The following PAPPA variants were observed in gnomAD, a reference collection of about 807,000 sequenced individuals.
PAPPA encodes pappalysin-1.
PAPPA carries 60 observed loss-of-function variants against 164.0 expected under a neutral mutation model. That is an observed-to-expected ratio of 0.37 (90% confidence interval 0.30 to 0.45). The LOEUF (loss-of-function observed/expected upper bound fraction) is 0.45. PAPPA is among the 20% of genes least tolerant of loss of function. The probability of loss-of-function intolerance (pLI) is 1.00; values close to 1 mark genes in which losing one functional copy is unlikely to be tolerated. For synonymous variants in PAPPA, 875 were observed against 814.1 expected, an observed-to-expected ratio of 1.07 and a Z score of -1.27; for missense variants, 1,782 against 2,087.3, an observed-to-expected ratio of 0.85 and a Z score of 2.85.
At position 116,335,046 on chromosome 9, in the gene PAPPA, G is replaced by A; in HGVS notation, c.3583G>A (p.Gly1195Arg). 1 of 1,613,526 alleles carries A rather than the reference G, an allele frequency of 6.2e-7. No homozygotes were observed. Among genetic ancestry groups the A allele is most frequent in the Admixed American group, 1.7e-5 (1 of 60,030 alleles). Residue 1195 changes from glycine to arginine, a missense_variant, in exon 13 of 22, where the codon GGG becomes AGG. Gly to Arg is a moderately radical substitution (Grantham distance 125). Transcript: ENST00000328252. ...DPVTLSSCQR[G>R]ETYSPAEQSC... is the part of the protein sequence containing the mutation. ...CGTCACCCTGAGCAGCTGCCAGAGA[G>A]GGGAGACCTACAGCCCTGCCGAGCA... is the stretch of plus-strand genomic sequence containing the variant.
chr9:116,215,805 T>C (rs550727619), intron 4 of PAPPA, among the ~76,000 whole-genome samples: 1 of 152,336 alleles, frequency 6.6e-6, no homozygotes, highest in South Asian at 2.1e-4. Flanking sequence ...TAGTGCTCAG[T>C]AAATGATGAT....
intron 10 of PAPPA, among the ~76,000 whole-genome samples, chr9:116,323,502 G>T (rs900250922): frequency 6.6e-6 from 1 of 152,012 alleles, no homozygotes; most frequent in Non-Finnish European, 1.5e-5. Flanking sequence ...TCTGGACAAA[G>T]GATTTCCCCA....
intron 13 of PAPPA, among the ~76,000 whole-genome samples, chr9:116,338,163 C>T (rs1352540217): frequency 6.6e-6 from 1 of 152,016 alleles, no homozygotes; most frequent in Non-Finnish European, 1.5e-5. Context: ...ATTGAATGGA[C>T]CATGTATTTA....
At chr9:116,268,670 A>C (rs1845100545) in intron 8 of PAPPA, among the ~76,000 whole-genome samples, 1 of 140,536 alleles carries the variant, frequency 7.1e-6, no homozygotes, top group South Asian at 2.3e-4. Flanking sequence ...TAGTATCATA[A>C]TTATTATTAA....
At chr9:116,291,317 T>G (rs1038410615) in intron 9 of PAPPA, among the ~76,000 whole-genome samples, 8 of 152,164 alleles carry the variant, frequency 5.3e-5, no homozygotes, top group African/African-American at 1.9e-4. Flanking sequence ...ATAAGACAGA[T>G]GGTGAGGCAT....
chr9:116,232,150 C>T (rs957710984), intron 6 of PAPPA, among the ~76,000 whole-genome samples: 2 of 152,136 alleles, frequency 1.3e-5, no homozygotes, highest in Non-Finnish European at 2.9e-5. Context: ...TCAGTTTCCT[C>T]CTTAATGTAG....
intron 8 of PAPPA, among the ~76,000 whole-genome samples, chr9:116,268,524 A>C (rs1845098194): frequency 6.6e-6 from 1 of 152,088 alleles, no homozygotes. Context: ...GGGAATTTCT[A>C]ATTTAGCCCA....
chr9:116,398,479 T>TTAA lies in PAPPA; in HGVS notation c.*1863_*1864insTAA. 1 of 702,188 alleles carries TTAA rather than the reference T, an allele frequency of 1.4e-6. No homozygotes were observed. The highest frequency in any genetic ancestry group is 1.9e-6 in the Non-Finnish European group (1 of 514,064). 43.5% of individuals were successfully genotyped at this position (702,188 alleles called of 1,614,324 possible). On this transcript the variant is annotated 3_prime_UTR_variant, in exon 22 of 22. Transcript: ENST00000328252. ...GGTGTTGTTAATCTATCATAGCACTTAAAAAAAAAAAAAAAAAGAGACCAA... is the reference window on the plus strand; with the variant it reads ...GGTGTTGTTAATCTATCATAGCACTTTAAAAAAAAAAAAAAAAAAAGAGACCAA...
chr9:116,200,370 G>A (rs563504933), intron 2 of PAPPA, among the ~76,000 whole-genome samples: 40 of 152,140 alleles, frequency 2.6e-4, no homozygotes, highest in Non-Finnish European at 5.3e-4. Flanking sequence ...ATAATAACAG[G>A]AAGTAAGAGA....
chr9:116,255,490 C>A (rs1411487698), intron 7 of PAPPA, among the ~76,000 whole-genome samples: 1 of 151,898 alleles, frequency 6.6e-6, no homozygotes, highest in Non-Finnish European at 1.5e-5. Context: ...CTTTAAAATG[C>A]CTGATTGAGA....
chr9:116,321,539 A>G (rs374553095), intron 10 of PAPPA, among the ~76,000 whole-genome samples: 2 of 152,198 alleles, frequency 1.3e-5, no homozygotes, highest in African/African-American at 4.8e-5. Context: ...GGGATGCACT[A>G]TGTAATTAAT....
intron 21 of PAPPA, among the ~76,000 whole-genome samples, chr9:116,395,182 T>C (rs561277245): frequency 6.6e-5 from 10 of 152,170 alleles, no homozygotes; most frequent in Admixed American, 4.6e-4. Context: ...ATGTTCAAGG[T>C]CACATCTCAA....
intron 4 of PAPPA, among the ~76,000 whole-genome samples, chr9:116,217,738 C>T (rs1024564284): frequency 9.9e-5 from 15 of 152,140 alleles, no homozygotes; most frequent in African/African-American, 3.6e-4. Flanking sequence ...GTGCCCCACA[C>T]CCCTGCACCT....
intron 8 of PAPPA, among the ~76,000 whole-genome samples, chr9:116,266,468 G>T (rs1164231003): frequency 6.6e-6 from 1 of 152,104 alleles, no homozygotes; most frequent in Non-Finnish European, 1.5e-5. Context: ...TGGGTCAAAG[G>T]CTTATAAAAA....
intron 9 of PAPPA, among the ~76,000 whole-genome samples, chr9:116,279,672 G>T (rs1845244364): frequency 6.6e-6 from 1 of 152,234 alleles, no homozygotes; most frequent in Non-Finnish European, 1.5e-5. Context: ...GGTGAATCTG[G>T]GTAGCCAAGA....
intron 21 of PAPPA, among the ~76,000 whole-genome samples, chr9:116,392,199 TA>T (rs1171977508): frequency 1.3e-5 from 2 of 152,224 alleles, no homozygotes; most frequent in African/African-American, 4.8e-5. Flanking sequence ...GGATAAAGGT[TA>T]TTGGTGATTA....
intron 20 of PAPPA, among the ~76,000 whole-genome samples, chr9:116,379,977 C>G (rs992022974): frequency 6.6e-6 from 1 of 152,192 alleles, no homozygotes; most frequent in Non-Finnish European, 1.5e-5. Flanking sequence ...TCCACCCCCA[C>G]CTAATTAACT....
intron 6 of PAPPA, among the ~76,000 whole-genome samples, chr9:116,232,496 T>G (rs1366450968): frequency 1.3e-5 from 2 of 152,208 alleles, no homozygotes; most frequent in East Asian, 3.9e-4. Flanking sequence ...CCTGGCACGC[T>G]GCCTGGACCA....
At position 116,302,798 on chromosome 9, in the gene PAPPA, T is replaced by C. The variant is rs1382959409; in HGVS notation, c.2995T>C (p.Cys999Arg). Residue 999 changes from cysteine to arginine, a missense_variant, in exon 10 of 22, where the codon TGT becomes CGT. Physicochemically the swap from Cys to Arg is radical, Grantham distance 180. Transcript: ENST00000328252. ...RCYFHDGDGV[C>R]EEFEQKTSIK... Reference sequence around the variant, plus strand: ...CTATTTCCATGATGGTGATGGGGTATGTGAGGAGTTTGAACAAAAAACCAG... The same window carrying C: ...CTATTTCCATGATGGTGATGGGGTACGTGAGGAGTTTGAACAAAAAACCAG... 1 of 1,614,002 alleles carries C rather than the reference T, an allele frequency of 6.2e-7. No individual in the cohort carries two copies.
Sources: allele counts gnomAD v4.1 joint callset (sites outside exome capture counted in the v4.1 genomes callset), GRCh38; gene constraint gnomAD v4.1.1; transcripts MANE v1.5; gene names NCBI Gene and HGNC (gene_info 2026-07-23, HGNC 2026-07-21).